TRPM5: variants seen among roughly 807,000 people sequenced by gnomAD.
TRPM5 encodes transient receptor potential cation channel subfamily M member 5.
In TRPM5, 121 loss-of-function variants were observed where a neutral mutation model predicts 124.9. That is an observed-to-expected ratio of 0.97 (90% confidence interval 0.84 to 1.13). The LOEUF is 1.13. TRPM5 is among the 50% of genes most tolerant of loss of function. TRPM5 has a pLI of 0.00. For missense variants in TRPM5, 1,643 were observed against 1,589.1 expected (o/e 1.03, Z -0.58); for synonymous variants, 781 against 700.5 (o/e 1.11, Z -1.81).
chr11:2,439,387 G>A, the TRPM5 span, among the ~76,000 whole-genome samples: 1 of 152,160 alleles, frequency 6.6e-6, no homozygotes, highest in Non-Finnish European at 1.5e-5. Flanking sequence ...AGAGTAAACA[G>A]ACAACCTACA....
At chr11:2,421,230 G>T in intron 2 of TRPM5, 32 bp from the exon 8 acceptor site, 1 of 1,522,804 alleles carries the variant, frequency 6.6e-7, no homozygotes, top group South Asian at 1.2e-5. Context: ...TCGTTGTGCC[G>T]CACGCCCCAG....
intron 23 of TRPM5, 108 bp downstream of exon 28, chr11:2,405,419 C>T (rs138641986): frequency 0.016 from 19,064 of 1,214,492 alleles, 284 homozygotes; most frequent in Admixed American, 0.062. Flanking sequence ...CTGAGACTCC[C>T]GGGCCAGGCA....
At position 2,423,014 on chromosome 11, in the gene TRPM5, C is replaced by T. The variant is rs145169879; in HGVS notation, c.23G>A (p.Arg8His). ...TTCAGCATCCCCGGGGCTTCCGGGA[C>T]GGGGGCCTTGGACATCCTGCATGGT... Residue 8 changes from arginine (R) to histidine (H), a missense_variant, in exon 1 of 24, where the codon CGT (arginine) becomes CAT (histidine). By Grantham distance (29) the Arg-to-His change is conservative (BLOSUM62 0). Coordinates refer to ENST00000155858, the Ensembl canonical transcript of TRPM5. The T allele has an allele frequency of 3.1e-5, 50 of 1,612,136 alleles. No homozygotes were observed. The highest frequency in any genetic ancestry group is 1.8e-4 in the South Asian group (16 of 91,082).
At chr11:2,405,662 C>T (rs1850303740) in intron 22 of TRPM5, 69 bp from the exon 28 acceptor site, 1 of 1,493,584 alleles carries the variant, frequency 6.7e-7, no homozygotes, top group Non-Finnish European at 9.1e-7. Context: ...GGCAGCCTCC[C>T]CATCTCCCCT....
the TRPM5 span, among the ~76,000 whole-genome samples, chr11:2,434,188 A>T: frequency 2.1e-5 from 3 of 145,336 alleles, no homozygotes; most frequent in Non-Finnish European, 4.5e-5. Context: ...TGGACGGTGT[A>T]TGTGTGTGTA....
chr11:2,419,369 A>G (rs1206791231), intron 4 of TRPM5, among the ~76,000 whole-genome samples: 1 of 151,354 alleles, frequency 6.6e-6, no homozygotes, highest in African/African-American at 2.4e-5. Flanking sequence ...GCACTTTGGG[A>G]GGCCAAAGCA....
the TRPM5 span, among the ~76,000 whole-genome samples, chr11:2,430,176 C>A: frequency 6.6e-6 from 1 of 152,182 alleles, no homozygotes; most frequent in East Asian, 1.9e-4. Context: ...AGCCTTGGAG[C>A]CTTGGCTTCT....
chr11:2,408,833 C>T lies in TRPM5; in HGVS notation c.2783-921G>A, dbSNP rs570565899. ...CCTCCATATCCGAATGGGAGCTCCGCTCTCTCCTCCCTCCCCAGCCTGCAC... is the reference window on the plus strand; with the variant it reads ...CCTCCATATCCGAATGGGAGCTCCGTTCTCTCCTCCCTCCCCAGCCTGCAC... On this transcript the variant is annotated intron_variant, in intron 18 of 23. Transcript: ENST00000155858. 3.9e-5 allele frequency among the ~76,000 whole-genome samples: 6 copies of T among 152,338 alleles called. No homozygotes were observed. In the East Asian group the frequency reaches 9.7e-4, roughly 25 times the overall value.
intron 18 of TRPM5, 44 bp downstream of exon 23, chr11:2,411,308 C>T: frequency 6.7e-7 from 1 of 1,502,164 alleles, no homozygotes; most frequent in South Asian, 1.3e-5. Context: ...GCACACAGGG[C>T]TCCAATTTCT....
At chr11:2,426,855 C>T (rs1845844413), upstream of TRPM5, among the ~76,000 whole-genome samples, 1 of 152,184 alleles carries the variant, frequency 6.6e-6, no homozygotes, top group Non-Finnish European at 1.5e-5. Context: ...ATGAGGATGC[C>T]CCATCTCCCT....
intron 21 of TRPM5, among the ~76,000 whole-genome samples, 181 bp downstream of exon 26, chr11:2,406,480 G>A (rs759736177): frequency 1.3e-4 from 20 of 152,280 alleles, no homozygotes; most frequent in Admixed American, 2.6e-4. Context: ...CTGGCCAGGC[G>A]TCCCAGCAGG....
upstream of TRPM5, among the ~76,000 whole-genome samples, chr11:2,424,576 G>A (rs188506801): frequency 6.8e-4 from 104 of 152,360 alleles, 1 homozygote; most frequent in African/African-American, 2.0e-3. Context: ...AGACAGACGC[G>A]CAGGGAAAAA....
intron 13 of TRPM5, 87 bp from the exon 19 acceptor site, chr11:2,413,313 A>G: frequency 7.3e-7 from 1 of 1,369,690 alleles, no homozygotes; most frequent in Non-Finnish European, 9.8e-7. Flanking sequence ...CAAAGTGCCC[A>G]CTGGGATGCA....
At chr11:2,417,368 T>A (rs746279304) in intron 7 of TRPM5, among the ~76,000 whole-genome samples, 21 of 152,048 alleles carry the variant, frequency 1.4e-4, no homozygotes, top group Non-Finnish European at 2.6e-4. Flanking sequence ...GGCAGGAGAA[T>A]CACTTCAACT....
the TRPM5 span, among the ~76,000 whole-genome samples, chr11:2,429,719 A>C: frequency 2.0e-5 from 3 of 151,722 alleles, no homozygotes; most frequent in African/African-American, 4.8e-5. This position sits in a 1 kb window ranked among gnomAD's most constrained non-coding sequence, Gnocchi z 8.4. Flanking sequence ...TGGTGATGGC[A>C]GTGATAGTTA....
chr11:2,414,009 G>GGCCGCC, intron 12 of TRPM5, 52 bp downstream of exon 17: 1 of 1,023,734 alleles, frequency 9.8e-7, no homozygotes, highest in Non-Finnish European at 1.4e-6. Flanking sequence ...GGCCCAGCTC[G>GGCCGCC]CCCGCCCACC....
In TRPM5 at chr11:2,414,208, T is replaced by G. The variant is rs778772378; in HGVS notation, c.1745-2A>C. The G allele has an allele frequency of 2.1e-5, 34 of 1,607,072 alleles. No homozygotes were observed. The Admixed American group carries it at 3.0e-4, about 14-fold the overall frequency. On this transcript the variant is annotated splice_acceptor_variant, in intron 11 of 23. Transcript: ENST00000155858. LOFTEE classifies it high-confidence loss of function. The stretch of plus-strand genomic sequence containing the variant: ...TGCTGTAGCACTCGGAGAAGAGGTC[T>G]GCCCCCGGAGGCCCTGGCCGCTAGG...
chr11:2,413,009 C>A, exon 15 of TRPM5: 1 of 1,602,448 alleles, frequency 6.2e-7, no homozygotes, highest in Non-Finnish European at 8.5e-7. Context: ...CCAGCTCCTC[C>A]ACCCTGTGCC....
rs1338749684 is a variant in TRPM5 at position 2,422,330 on chromosome 11, C to T, written c.118-9G>A. On this transcript the variant is annotated splice_polypyrimidine_tract_variant and intron_variant, in intron 1 of 23. Coordinates refer to ENST00000155858, the Ensembl canonical transcript of TRPM5. ...CTCGGCACCCGTACAAACTGCAAGG[C>T]AGGTCTGCAGCTCAGGGCTTTCGGG... is the stretch of plus-strand genomic sequence containing the variant. 6.2e-7 allele frequency: 1 copy of T among 1,603,924 alleles called. No homozygotes were observed. Among genetic ancestry groups the T allele is most frequent in the Non-Finnish European group, 8.5e-7 (1 of 1,175,474 alleles).
Sources: allele counts gnomAD v4.1 joint callset (sites outside exome capture counted in the v4.1 genomes callset), GRCh38; gene constraint gnomAD v4.1.1; non-coding constraint Gnocchi (gnomAD v3.1); transcripts MANE v1.5; gene names NCBI Gene and HGNC (gene_info 2026-07-23, HGNC 2026-07-21).